Variants in EPHA6 observed in about 807,000 individuals in gnomAD.
The protein encoded by EPHA6 is ephrin type-A receptor 6.
In EPHA6, 50 loss-of-function variants were observed where a neutral mutation model predicts 112.0. The ratio of observed to expected loss-of-function variants is 0.45; its 90% CI spans 0.36 to 0.56. EPHA6 has a LOEUF of 0.56. EPHA6 is among the 20% of genes least tolerant of loss of function. The probability of loss-of-function intolerance (pLI) is 0.00; values close to 1 mark genes in which losing one functional copy is unlikely to be tolerated. For missense variants in EPHA6, 1,280 were observed against 1,417.4 expected (o/e 0.90, Z 1.56); for synonymous variants, 529 against 490.7 (o/e 1.08, Z -1.03).
At chr3:97,574,352 G>T (rs2093362958) in intron 11 of EPHA6, among the ~76,000 whole-genome samples, 1 of 152,236 alleles carries the variant, frequency 6.6e-6, no homozygotes, top group African/African-American at 2.4e-5. Flanking sequence ...TTGAATAAAA[G>T]AAAGTTTCTT....
At chr3:97,663,476 G>C (rs931347842) in intron 14 of EPHA6, among the ~76,000 whole-genome samples, 9 of 149,026 alleles carry the variant, frequency 6.0e-5, no homozygotes, top group South Asian at 4.3e-4. Flanking sequence ...TAATGCTATC[G>C]CTCCCCCCTC....
At chr3:97,296,147 C>T (rs1464601807) in intron 5 of EPHA6, among the ~76,000 whole-genome samples, 1 of 152,036 alleles carries the variant, frequency 6.6e-6, no homozygotes. Flanking sequence ...GTGACTCATA[C>T]TGTTATTAAT....
rs913095620 is a variant in EPHA6, at chr3:97,489,154, A to C, written c.2200+5095A>C. Among the ~76,000 whole-genome samples, 3 of 152,238 alleles carry C rather than the reference A, an allele frequency of 2.0e-5. No homozygotes were observed. The South Asian group carries it at 6.2e-4, about 31-fold the overall frequency. ...AAATGACTATTAGATTAAAAAATAAATACAGTTTCTACATTCAGTTTTGAC... is the reference window on the plus strand; with the variant it reads ...AAATGACTATTAGATTAAAAAATAACTACAGTTTCTACATTCAGTTTTGAC... On this transcript the variant is annotated intron_variant, in intron 10 of 17. Transcript: ENST00000389672.
At chr3:97,470,819 A>G (rs60312361) in intron 7 of EPHA6, among the ~76,000 whole-genome samples, 28,710 of 151,546 alleles carry the variant, frequency 0.19, 4,093 homozygotes, top group African/African-American at 0.38. Context: ...AGAATGAAAT[A>G]TATCATTTTA....
intron 2 of EPHA6, among the ~76,000 whole-genome samples, chr3:96,986,297 T>C (rs1576257009): frequency 6.6e-6 from 1 of 152,282 alleles, no homozygotes; most frequent in Non-Finnish European, 1.5e-5. Flanking sequence ...TACATAAACA[T>C]ACAGAAGTGA....
At chr3:97,343,306 C>T (rs942993836) in intron 5 of EPHA6, among the ~76,000 whole-genome samples, 6 of 152,086 alleles carry the variant, frequency 3.9e-5, no homozygotes, top group South Asian at 2.1e-4. Context: ...TTCTAGTGTT[C>T]TGTAGTAGGT....
intron 6 of EPHA6, among the ~76,000 whole-genome samples, chr3:97,421,549 A>G (rs956304743): frequency 6.6e-6 from 1 of 152,162 alleles, no homozygotes; most frequent in African/African-American, 2.4e-5. Context: ...AGAAAGATCA[A>G]TTTTACCCCA....
intron 12 of EPHA6, among the ~76,000 whole-genome samples, chr3:97,605,687 C>T (rs569478731): frequency 5.5e-4 from 84 of 151,792 alleles, no homozygotes; most frequent in African/African-American, 1.9e-3. Context: ...AATGATATAC[C>T]TCCAGCTTTG....
At chr3:97,416,078 T>G (rs2088099860) in intron 6 of EPHA6, among the ~76,000 whole-genome samples, 1 of 151,602 alleles carries the variant, frequency 6.6e-6, no homozygotes, top group Non-Finnish European at 1.5e-5. Context: ...CTAAAACACC[T>G]ACTTGTTTTT....
At chr3:97,404,084 G>T (rs115023403) in intron 5 of EPHA6, among the ~76,000 whole-genome samples, 2,386 of 152,234 alleles carry the variant, frequency 0.016, 61 homozygotes, top group African/African-American at 0.052. Flanking sequence ...TGGGCATTTA[G>T]ATTGTTACAA....
chr3:97,225,736 CA>C (rs2078335752), intron 3 of EPHA6, among the ~76,000 whole-genome samples: 2 of 151,830 alleles, frequency 1.3e-5, no homozygotes, highest in African/African-American at 4.8e-5. Context: ...CATAAACTAT[CA>C]AAAAATAGAG....
intron 6 of EPHA6, among the ~76,000 whole-genome samples, chr3:97,430,062 T>A (rs146091281): frequency 6.6e-6 from 1 of 152,194 alleles, no homozygotes; most frequent in Non-Finnish European, 1.5e-5. Context: ...CCTTTATTTC[T>A]TTTTTAAATT....
intron 3 of EPHA6, among the ~76,000 whole-genome samples, chr3:97,129,559 G>A (rs976375231): frequency 6.6e-6 from 1 of 151,464 alleles, no homozygotes; most frequent in African/African-American, 2.4e-5. Flanking sequence ...GGTAAATTCG[G>A]TGTTAATTAT....
At chr3:97,125,621 G>T (rs546709540) in intron 3 of EPHA6, among the ~76,000 whole-genome samples, 38 of 152,152 alleles carry the variant, frequency 2.5e-4, no homozygotes, top group African/African-American at 8.4e-4. Context: ...ATAGAATATA[G>T]TTACCAGGTT....
intron 3 of EPHA6, among the ~76,000 whole-genome samples, chr3:97,190,465 A>G (rs533661293): frequency 2.8e-4 from 43 of 152,206 alleles, no homozygotes; most frequent in African/African-American, 1.0e-3. Flanking sequence ...TAATTTCCCC[A>G]GCTGGATTAA....
At chr3:97,463,464 G>A (rs6764095) in intron 7 of EPHA6, among the ~76,000 whole-genome samples, 17,818 of 151,972 alleles carry the variant, frequency 0.12, 1,303 homozygotes, top group Admixed American at 0.23. Flanking sequence ...TACACAAGAG[G>A]GAACATAATC....
chr3:97,041,261 A>G (rs1320927441), intron 3 of EPHA6, among the ~76,000 whole-genome samples: 1 of 152,062 alleles, frequency 6.6e-6, no homozygotes, highest in Non-Finnish European at 1.5e-5. Flanking sequence ...TTTCATATGT[A>G]ATTGCCACTT....
chr3:97,355,248 C>T (rs2084011513), intron 5 of EPHA6, among the ~76,000 whole-genome samples: 1 of 151,954 alleles, frequency 6.6e-6, no homozygotes, highest in African/African-American at 2.4e-5. Flanking sequence ...GTGTAAACTA[C>T]TAATATCTCG....
chr3:97,075,705 AT>A (rs58181240), intron 3 of EPHA6, among the ~76,000 whole-genome samples: 30,585 of 143,724 alleles, frequency 0.21, 6,452 homozygotes, highest in African/African-American at 0.55. Context: ...CGGATACTGC[AT>A]TTTTTTTTTT....
Sources: allele counts gnomAD v4.1 joint callset (sites outside exome capture counted in the v4.1 genomes callset), GRCh38; gene constraint gnomAD v4.1.1; transcripts MANE v1.5; gene names NCBI Gene and HGNC (gene_info 2026-07-23, HGNC 2026-07-21).